Variants in FRMD4A observed in about 807,000 individuals in gnomAD.
FRMD4A encodes the protein FERM domain containing 4A, also known as FERM domain-containing protein 4A.
A neutral mutation model predicts 129.1 loss-of-function variants in FRMD4A; 29 were observed. The observed-to-expected ratio is 0.22, with a 90% confidence interval of 0.17 to 0.31. FRMD4A has a LOEUF of 0.31. Ranked by LOEUF, FRMD4A falls within the 10% of genes least tolerant of loss-of-function variation. FRMD4A has a pLI of 1.00. For synonymous variants in FRMD4A, 634 were observed against 571.6 expected (o/e 1.11, Z -1.56); for missense variants, 1,272 against 1,375.8 (o/e 0.92, Z 1.19).
At chr10:13,673,183 T>C (rs2083661377) in intron 16 of FRMD4A, among the ~76,000 whole-genome samples, 1 of 152,176 alleles carries the variant, frequency 6.6e-6, no homozygotes, top group African/African-American at 2.4e-5. Flanking sequence ...TTCAAGCGTA[T>C]TCTTTATAAA....
intron 2 of FRMD4A, among the ~76,000 whole-genome samples, chr10:13,865,416 T>TTATTG (rs2131062698): frequency 9.0e-6 from 1 of 110,516 alleles, no homozygotes. Flanking sequence ...TTGTTTTATT[T>TTATTG]TATTTTATTT....
In FRMD4A at chr10:13,948,373, G is replaced by A. The variant is rs148725329; in HGVS notation, c.46-89461C>T. On this transcript the variant is annotated intron_variant, in intron 2 of 24. Transcript: ENST00000357447. ...AGCCTGAAATCTATTTTACATATTC[G>A]GAGTTTAGTATAGAATTCTGCCAAA... Among the ~76,000 whole-genome samples the A allele has an allele frequency of 4.6e-3, 691 of 151,800 alleles. 2 individuals carry two copies. The highest frequency in any genetic ancestry group is 5.9e-3 in the African/African-American group (244 of 41,362).
At chr10:14,266,724 TTTC>T (rs1406929894) in intron 2 of FRMD4A, among the ~76,000 whole-genome samples, 2 of 152,254 alleles carry the variant, frequency 1.3e-5, no homozygotes, top group Non-Finnish European at 2.9e-5. Flanking sequence ...CTTTATTTTC[TTTC>T]TTATCATAAA....
chr10:13,710,789 G>C (rs903004217), intron 12 of FRMD4A: 2 of 152,504 alleles, frequency 1.3e-5, no homozygotes, highest in African/African-American at 4.8e-5. Context: ...GAGGTGGGCA[G>C]ATCACTTGAG....
chr10:14,070,667 G>A (rs1278579595), intron 2 of FRMD4A, among the ~76,000 whole-genome samples: 2 of 152,114 alleles, frequency 1.3e-5, no homozygotes, highest in East Asian at 3.8e-4. Context: ...ACTATTATTT[G>A]TTATATTATA....
intron 2 of FRMD4A, among the ~76,000 whole-genome samples, chr10:13,884,952 C>G (rs2094601073): frequency 6.6e-6 from 1 of 152,202 alleles, no homozygotes; most frequent in Admixed American, 6.5e-5. Context: ...TTCAGTAGCA[C>G]CTCCACTTCT....
At chr10:14,000,646 C>CAAAAAAAA (rs11377448) in intron 2 of FRMD4A, among the ~76,000 whole-genome samples, 6,717 of 43,298 alleles carry the variant, frequency 0.16, 1,460 homozygotes, top group East Asian at 0.33. Context: ...GACGCCACCT[C>CAAAAAAAA]AAAAAAAAAA....
intron 3 of FRMD4A, among the ~76,000 whole-genome samples, chr10:13,830,739 C>T (rs1179433342): frequency 6.6e-6 from 1 of 152,186 alleles, no homozygotes; most frequent in African/African-American, 2.4e-5. Context: ...CCATGTCACG[C>T]AGCATCCCTG....
chr10:13,900,634 T>C (rs1300412496), intron 2 of FRMD4A, among the ~76,000 whole-genome samples: 4 of 152,326 alleles, frequency 2.6e-5, no homozygotes, highest in Non-Finnish European at 1.5e-5. Context: ...TGGTGGCTCA[T>C]GCCTGTAATC....
At chr10:13,697,152 ATT>A (rs11309575) in intron 14 of FRMD4A, among the ~76,000 whole-genome samples, 3,739 of 136,476 alleles carry the variant, frequency 0.027, 84 homozygotes, top group African/African-American at 0.065. Flanking sequence ...AAACTACTGG[ATT>A]TTTTTTTTTT....
rs1241481243 is a variant in FRMD4A at position 14,008,394 on chromosome 10, C to G, written c.46-149482G>C. On this transcript the variant is annotated intron_variant, in intron 2 of 24. Coordinates refer to ENST00000357447, the MANE Select transcript of FRMD4A (RefSeq NM_018027.5). ...CCAAGTTCTGCAACTTCAGCGCCCA[C>G]GAAGCAGCATCTCTAGCTTTCTTCC... 7 of 1,025,304 alleles carry G rather than the reference C, an allele frequency of 6.8e-6. No individual in the cohort carries two copies. In the South Asian group the frequency reaches 1.5e-4, roughly 22 times the overall value. 63.5% of individuals were successfully genotyped at this position (1,025,304 alleles called of 1,614,324 possible).
Position 13,656,658 on chromosome 10 carries a change from G to C in FRMD4A, c.2931C>G (p.Pro977=), listed in dbSNP as rs761166826. Residue 977 remains proline (P), a synonymous_variant, in exon 22 of 25, where the codon CCC becomes CCG. Transcript: ENST00000357447. ...CACCTGACGTGGCCTTGCACATCTG[G>C]GGCATCCTGGTGACCCTGCTGTGCG... ...FVAHSRVTRM[P]QMCKATSAAL... is the part of the protein sequence containing the mutation. 1 of 1,497,574 alleles carries C rather than the reference G, an allele frequency of 6.7e-7. No individual in the cohort carries two copies. Among genetic ancestry groups the C allele is most frequent in the African/African-American group, 1.4e-5 (1 of 69,912 alleles). 92.8% of individuals were successfully genotyped at this position (1,497,574 alleles called of 1,614,324 possible).
chr10:14,127,964 TTCTTTCTTTCTTTCCTTCTCTC>T (rs1379365912), intron 2 of FRMD4A, among the ~76,000 whole-genome samples: 5 of 35,360 alleles, frequency 1.4e-4, no homozygotes, highest in Admixed American at 6.4e-4. Flanking sequence ...CTTTCTTTCT[TTCTTTCTTTCTTTCCTTCTCTC>T]TCTCTCTCTC....
intron 2 of FRMD4A, among the ~76,000 whole-genome samples, chr10:14,163,135 C>T (rs961439560): frequency 6.6e-6 from 1 of 152,038 alleles, no homozygotes; most frequent in Non-Finnish European, 1.5e-5. Flanking sequence ...AAAAAAACCC[C>T]GATGAAGTAA....
chr10:14,060,550 T>C (rs1175060139), intron 2 of FRMD4A, among the ~76,000 whole-genome samples: 7 of 152,228 alleles, frequency 4.6e-5, no homozygotes, highest in African/African-American at 1.7e-4. Flanking sequence ...GGCATTTTCA[T>C]GTTCAAAGAC....
intron 2 of FRMD4A, among the ~76,000 whole-genome samples, chr10:14,020,128 G>A (rs746225776): frequency 5.9e-5 from 9 of 152,220 alleles, no homozygotes; most frequent in South Asian, 2.1e-4. Context: ...CTGATCTCCC[G>A]TCTTGTGCTC....
chr10:14,283,636 C>A (rs746916671), intron 2 of FRMD4A, among the ~76,000 whole-genome samples: 7 of 152,308 alleles, frequency 4.6e-5, no homozygotes, highest in Non-Finnish European at 7.3e-5. Context: ...ATTTACTCAT[C>A]ACCTCATAAT....
chr10:13,784,219 A>G (rs557875157), intron 5 of FRMD4A, among the ~76,000 whole-genome samples: 2 of 152,314 alleles, frequency 1.3e-5, no homozygotes, highest in South Asian at 4.1e-4. Flanking sequence ...TCTGAGGGCC[A>G]GAATCCTCTG....
chr10:14,207,385 T>C (rs1356179145), intron 2 of FRMD4A, among the ~76,000 whole-genome samples: 1 of 152,088 alleles, frequency 6.6e-6, no homozygotes, highest in Admixed American at 6.5e-5. Context: ...CATTGTAATA[T>C]ATAATTAAAT....
Sources: allele counts gnomAD v4.1 joint callset (sites outside exome capture counted in the v4.1 genomes callset), GRCh38; gene constraint gnomAD v4.1.1; transcripts MANE v1.5; gene names NCBI Gene and HGNC (gene_info 2026-07-23, HGNC 2026-07-21).